Variants in CENPP observed in about 807,000 individuals in gnomAD.
CENPP encodes the protein centromere protein P.
A neutral mutation model predicts 35.6 loss-of-function variants in CENPP; 24 were observed. That is an observed-to-expected ratio of 0.67 (90% CI 0.49 to 0.95). CENPP has a LOEUF of 0.95. Ranked by LOEUF, CENPP falls within the 40% of genes least tolerant of loss-of-function variation. The pLI is 0.00. For synonymous variants in CENPP, 120 were observed against 125.5 expected, an observed-to-expected ratio of 0.96 and a Z score of 0.29; for missense variants, 332 against 345.3, an observed-to-expected ratio of 0.96 and a Z score of 0.31.
intron 5 of CENPP, among the ~76,000 whole-genome samples, chr9:92,393,726 C>G (rs1488817346): frequency 6.6e-6 from 1 of 152,104 alleles, no homozygotes; most frequent in East Asian, 1.9e-4. Context: ...TGTCATACCT[C>G]TTGGAACATT....
intron 1 of CENPP, 78 bp from the exon 2 acceptor site, chr9:92,332,092 T>C: frequency 1.2e-6 from 1 of 846,340 alleles, no homozygotes; most frequent in Non-Finnish European, 1.8e-6. Flanking sequence ...AAAATGGGAA[T>C]GCTTTGAGGA....
chr9:92,579,903 GTT>G (rs2131365028), intron 5 of CENPP, among the ~76,000 whole-genome samples: 1 of 149,148 alleles, frequency 6.7e-6, no homozygotes, highest in Admixed American at 6.7e-5. Context: ...AGTGCTTCCA[GTT>G]TTTGCCCATT....
chr9:92,480,888 T>C (rs1371197663), intron 5 of CENPP, among the ~76,000 whole-genome samples: 4 of 122,494 alleles, frequency 3.3e-5, no homozygotes, highest in Non-Finnish European at 6.6e-5. Flanking sequence ...GAGTTAAAAG[T>C]CCAACATGCA....
chr9:92,551,546 A>G (rs1161562004), intron 5 of CENPP, among the ~76,000 whole-genome samples: 1 of 151,796 alleles, frequency 6.6e-6, no homozygotes, highest in Non-Finnish European at 1.5e-5. Context: ...TCCATAAGTT[A>G]TTGGGGTACA....
intron 5 of CENPP, among the ~76,000 whole-genome samples, chr9:92,541,960 A>G (rs1202758544): frequency 6.6e-6 from 1 of 151,964 alleles, no homozygotes; most frequent in Non-Finnish European, 1.5e-5. Flanking sequence ...CACCCAGCTA[A>G]TTTTTGTATT....
At chr9:92,329,854 C>G (rs374605353) in intron 1 of CENPP, among the ~76,000 whole-genome samples, 1 of 152,074 alleles carries the variant, frequency 6.6e-6, no homozygotes, top group Non-Finnish European at 1.5e-5. Flanking sequence ...TTCTTTTTTC[C>G]TTGACTTCTA....
At chr9:92,553,062 T>C (rs1019719905) in intron 5 of CENPP, among the ~76,000 whole-genome samples, 12 of 152,220 alleles carry the variant, frequency 7.9e-5, no homozygotes, top group Admixed American at 6.5e-5. Flanking sequence ...TTTAAGTCTT[T>C]AATCCATCTT....
At chr9:92,430,631 C>T (rs1002372080) in intron 5 of CENPP, among the ~76,000 whole-genome samples, 1 of 152,102 alleles carries the variant, frequency 6.6e-6, no homozygotes, top group Non-Finnish European at 1.5e-5. Flanking sequence ...TCTGGGATTA[C>T]AGGTGTGAGC....
chr9:92,616,132 T>C lies in CENPP; in HGVS notation c.*2983T>C. On this transcript the variant is annotated 3_prime_UTR_variant, in exon 8 of 8. Transcript: ENST00000375587. ...CCCTCCCTCCCGTTCTCTCTCCCTT[T>C]CTTCTTTCAACTAGTATGTTTTTAT... 1 of 1,000,602 alleles carries C rather than the reference T, an allele frequency of 1.0e-6. No individual in the cohort carries two copies. The highest frequency in any genetic ancestry group is 1.5e-6 in the Non-Finnish European group (1 of 666,530). 62.0% of individuals were successfully genotyped at this position (1,000,602 alleles called of 1,614,324 possible). A position where few individuals can be genotyped will look rare whatever the true frequency, so the allele number is the denominator to read the frequency against.
intron 5 of CENPP, among the ~76,000 whole-genome samples, chr9:92,412,764 G>A (rs1442886873): frequency 1.3e-5 from 2 of 152,090 alleles, no homozygotes; most frequent in Non-Finnish European, 2.9e-5. Context: ...ATGGACATTT[G>A]CGTGGTTTCT....
At chr9:92,540,166 C>T (rs1329251534) in intron 5 of CENPP, among the ~76,000 whole-genome samples, 4 of 152,198 alleles carry the variant, frequency 2.6e-5, no homozygotes, top group African/African-American at 7.2e-5. Flanking sequence ...CAGCCGGGCG[C>T]GGTGCCTCAT....
intron 5 of CENPP, among the ~76,000 whole-genome samples, chr9:92,529,445 G>A (rs770373415): frequency 9.2e-5 from 14 of 152,080 alleles, no homozygotes; most frequent in Non-Finnish European, 1.8e-4. Flanking sequence ...CCCAGCAATC[G>A]TGCCCCTTGG....
chr9:92,514,440 A>G, intron 5 of CENPP, among the ~76,000 whole-genome samples: 1 of 151,930 alleles, frequency 6.6e-6, no homozygotes, highest in Admixed American at 6.6e-5. Flanking sequence ...ACGCCCGGCT[A>G]ATTTTTGTAT....
chr9:92,596,698 G>A (rs1169389571), intron 5 of CENPP, among the ~76,000 whole-genome samples: 13 of 151,630 alleles, frequency 8.6e-5, no homozygotes, highest in Non-Finnish European at 1.8e-4. Context: ...CCTACACCCC[G>A]ACTTCTGTCC....
chr9:92,439,918 A>G (rs1340177657), intron 5 of CENPP, among the ~76,000 whole-genome samples: 8 of 152,214 alleles, frequency 5.3e-5, no homozygotes, highest in East Asian at 1.9e-4. Flanking sequence ...TGTTTATTCA[A>G]GTTAATATTT....
At chr9:92,582,939 C>G (rs1027980032) in intron 5 of CENPP, among the ~76,000 whole-genome samples, 2 of 152,090 alleles carry the variant, frequency 1.3e-5, no homozygotes, top group Non-Finnish European at 2.9e-5. Flanking sequence ...TTCTCTTAGC[C>G]TCACCACTTT....
chr9:92,573,140 C>T (rs1274350734), intron 5 of CENPP, among the ~76,000 whole-genome samples: 4 of 152,178 alleles, frequency 2.6e-5, no homozygotes, highest in South Asian at 4.1e-4. Context: ...CCCTTGCTGG[C>T]GAGGAGCTGC....
intron 5 of CENPP, 165 bp from the exon 6 acceptor site, chr9:92,611,149 C>T (rs949975723): frequency 1.5e-5 from 10 of 646,432 alleles, no homozygotes; most frequent in South Asian, 9.0e-5. Context: ...GTGGGGCGGA[C>T]GTGTGTGACA....
intron 5 of CENPP, among the ~76,000 whole-genome samples, chr9:92,492,770 C>T (rs1238673822): frequency 6.6e-6 from 1 of 152,130 alleles, no homozygotes; most frequent in Non-Finnish European, 1.5e-5. Flanking sequence ...GAGCACCAGC[C>T]TCAGAGTCAG....
Sources: gnomAD v4.1 joint callset for allele counts (sites outside exome capture counted in the v4.1 genomes callset) on GRCh38, gnomAD v4.1.1 for gene constraint, MANE v1.5 for transcripts, NCBI Gene and HGNC (gene_info 2026-07-23, HGNC 2026-07-21) for gene names.